CHRM5: variants seen among roughly 807,000 people sequenced by gnomAD.
The protein encoded by CHRM5 is cholinergic receptor muscarinic 5.
CHRM5 carries 18 observed loss-of-function variants against 39.0 expected under a neutral mutation model. The ratio of observed to expected loss-of-function variants is 0.46; its 90% CI spans 0.32 to 0.68. The LOEUF (loss-of-function observed/expected upper bound fraction) is 0.68, where lower values mean the gene tolerates loss of function less well. CHRM5 is among the 30% of genes least tolerant of loss of function. CHRM5 has a pLI of 0.04. For missense variants in CHRM5, 515 were observed against 651.1 expected (o/e 0.79, Z 2.28); for synonymous variants, 241 against 246.3 (o/e 0.98, Z 0.20).
At chr15:34,043,020 G>T (rs1899539686) in intron 1 of CHRM5, among the ~76,000 whole-genome samples, 1 of 151,954 alleles carries the variant, frequency 6.6e-6, no homozygotes, top group Admixed American at 6.6e-5. Context: ...GGCCGAGGTG[G>T]GTGGATCACG....
Position 33,992,252 on chromosome 15 carries a change from T to C in CHRM5, c.-408+23102T>C, listed in dbSNP as rs7179332. On this transcript the variant is annotated intron_variant, in intron 1 of 2. Coordinates refer to ENST00000383263, the MANE Select transcript of CHRM5 (RefSeq NM_012125.4). ...AAAATACAAAACAGTTAGCTGGGCG[T>C]GGTGGCGGGCACCTGTAGTCCCAGC... 9.0e-4 allele frequency among the ~76,000 whole-genome samples: 137 copies of C among 152,274 alleles called. 1 individual carries two copies. The highest frequency in any genetic ancestry group is 3.2e-3 in the African/African-American group (131 of 41,556).
At chr15:33,975,524 T>G (rs1011991070) in intron 1 of CHRM5, among the ~76,000 whole-genome samples, 1 of 152,168 alleles carries the variant, frequency 6.6e-6, no homozygotes, top group Admixed American at 6.5e-5. Flanking sequence ...GTAACTAAAA[T>G]TAACAAAATC....
At chr15:33,971,257 T>G (rs934989889) in intron 1 of CHRM5, among the ~76,000 whole-genome samples, 6 of 152,076 alleles carry the variant, frequency 3.9e-5, no homozygotes, top group Non-Finnish European at 5.9e-5. Flanking sequence ...TACTTGTTTC[T>G]GCAATTTAGA....
chr15:34,010,608 T>C (rs1465139787), intron 1 of CHRM5, among the ~76,000 whole-genome samples: 1 of 152,168 alleles, frequency 6.6e-6, no homozygotes, highest in Non-Finnish European at 1.5e-5. Flanking sequence ...CCACCTCCTA[T>C]GTTCCTCACA....
intron 1 of CHRM5, among the ~76,000 whole-genome samples, chr15:33,996,315 T>C (rs1597328199): frequency 6.6e-6 from 1 of 152,320 alleles, no homozygotes; most frequent in East Asian, 1.9e-4. Context: ...CTGACAGCTC[T>C]GAAGAGAGGT....
intron 1 of CHRM5, among the ~76,000 whole-genome samples, chr15:34,023,936 G>A (rs1898323780): frequency 6.6e-6 from 1 of 152,184 alleles, no homozygotes; most frequent in South Asian, 2.1e-4. Flanking sequence ...TATCCAGAGA[G>A]GAGCCCAGAG....
At chr15:33,992,105 G>A (rs1469110261) in intron 1 of CHRM5, 1 of 152,250 alleles carries the variant, frequency 6.6e-6, no homozygotes, top group Non-Finnish European at 1.5e-5. Flanking sequence ...AAGAAAATCA[G>A]GCCGGGCGCG....
intron 1 of CHRM5, among the ~76,000 whole-genome samples, chr15:34,023,170 A>T (rs1898285874): frequency 6.6e-6 from 1 of 151,564 alleles, no homozygotes; most frequent in African/African-American, 2.4e-5. Context: ...ACAGAGCGAG[A>T]CTCGGTCTCA....
Position 34,063,895 on chromosome 15 carries a change from C to T in CHRM5, c.1178C>T (p.Thr393Ile). The T allele has an allele frequency of 3.1e-6, 5 of 1,614,212 alleles. No homozygotes were observed. The highest frequency in any genetic ancestry group is 4.2e-6 in the Non-Finnish European group (5 of 1,180,040). ...LVVKADGNQETNNGCHKVKIM... is the reference protein window; with the variant it reads ...LVVKADGNQEINNGCHKVKIM... ...GTAAAAGCTGACGGGAACCAGGAGA[C>T]CAACAATGGCTGTCACAAGGTGAAA... Residue 393 changes from threonine (T) to isoleucine (I), a missense_variant, in exon 3 of 3, where the codon ACC (threonine) becomes ATC (isoleucine). Physicochemically the swap from Thr to Ile is moderately conservative, Grantham distance 89 (BLOSUM62 -1). Transcript: ENST00000383263. This position sits in a 1 kb window ranked among gnomAD's most constrained non-coding sequence, Gnocchi z 4.1.
intron 1 of CHRM5, among the ~76,000 whole-genome samples, chr15:33,992,342 A>T (rs1350679501): frequency 2.0e-5 from 3 of 151,816 alleles, no homozygotes; most frequent in Non-Finnish European, 4.4e-5. Context: ...GTGAGCCGAG[A>T]TTGCGCCACT....
At chr15:33,975,824 G>C (rs1895860492) in intron 1 of CHRM5, among the ~76,000 whole-genome samples, 1 of 152,146 alleles carries the variant, frequency 6.6e-6, no homozygotes, top group African/African-American at 2.4e-5. Flanking sequence ...CAGCTACTCG[G>C]GAGGCTGAGG....
At chr15:34,038,032 C>A (rs1001626468) in intron 1 of CHRM5, among the ~76,000 whole-genome samples, 4 of 152,096 alleles carry the variant, frequency 2.6e-5, no homozygotes, top group Admixed American at 6.6e-5. Context: ...TATATCATCC[C>A]CTGCTCCAAT....
intron 1 of CHRM5, among the ~76,000 whole-genome samples, chr15:33,990,077 G>A (rs1039890363): frequency 3.3e-5 from 5 of 151,872 alleles, no homozygotes; most frequent in African/African-American, 4.8e-5. Flanking sequence ...GGTGGTGGGC[G>A]CCTATAATCC....
chr15:34,045,732 G>C (rs1030212447), intron 1 of CHRM5, among the ~76,000 whole-genome samples: 41 of 7,864 alleles, frequency 5.2e-3, no homozygotes, highest in South Asian at 0.062. Context: ...GAAAACGAAG[G>C]CCTAACCTCA....
intron 1 of CHRM5, among the ~76,000 whole-genome samples, chr15:33,988,255 C>T (rs1896563170): frequency 1.3e-5 from 2 of 152,088 alleles, no homozygotes; most frequent in African/African-American, 4.8e-5. Flanking sequence ...TTTTTAGTTT[C>T]AGATAATCAA....
In CHRM5 at chr15:34,049,248, C is replaced by T. The variant is rs1484088930; in HGVS notation, c.-76+2377C>T. On this transcript the variant is annotated intron_variant, in intron 2 of 2. Transcript: ENST00000383263. ...CTAGGCTTCTGAAAGTGGGTAATAA[C>T]AAACTTCACTGAGCTAAAGGACCAT... 4.6e-5 allele frequency among the ~76,000 whole-genome samples: 7 copies of T among 152,288 alleles called. No homozygotes were observed. The East Asian group carries it at 1.4e-3, about 29-fold the overall frequency.
At chr15:34,040,874 C>T (rs1899443723) in intron 1 of CHRM5, among the ~76,000 whole-genome samples, 2 of 147,574 alleles carry the variant, frequency 1.4e-5, no homozygotes, top group African/African-American at 5.0e-5. Flanking sequence ...TGTGATTGTA[C>T]ATGGGCAACA....
At chr15:33,997,206 A>C (rs1330914116) in intron 1 of CHRM5, among the ~76,000 whole-genome samples, 1 of 152,226 alleles carries the variant, frequency 6.6e-6, no homozygotes, top group African/African-American at 2.4e-5. Context: ...ATTCAACTAA[A>C]ATTTAAAACA....
intron 1 of CHRM5, among the ~76,000 whole-genome samples, chr15:33,980,122 A>C (rs1896069509): frequency 6.6e-6 from 1 of 152,234 alleles, no homozygotes; most frequent in Non-Finnish European, 1.5e-5. Context: ...AGTATGACTC[A>C]GAGCAACTAG....
Sources: gnomAD v4.1 joint callset for allele counts (sites outside exome capture counted in the v4.1 genomes callset) on GRCh38, gnomAD v4.1.1 for gene constraint, Gnocchi (gnomAD v3.1) non-coding constraint, MANE v1.5 for transcripts, NCBI Gene and HGNC (gene_info 2026-07-23, HGNC 2026-07-21) for gene names.